GDF1: variants seen among roughly 807,000 people sequenced by gnomAD.
The protein encoded by GDF1 is embryonic growth/differentiation factor 1.
Under a neutral mutation model 7.4 loss-of-function variants are expected in GDF1, and 8 were observed. That is an observed-to-expected ratio of 1.09 (90% CI 0.64 to 1.96). The LOEUF (loss-of-function observed/expected upper bound fraction) is 1.96, where lower values mean the gene tolerates loss of function less well. Among genes scored for constraint, GDF1 ranks in the 30% most tolerant of loss-of-function variants. The pLI is 0.00. For synonymous variants in GDF1, 311 were observed against 276.7 expected (o/e 1.12, Z -1.23); for missense variants, 574 against 551.5 (o/e 1.04, Z -0.41).
intron 6 of GDF1, among the ~76,000 whole-genome samples, chr19:18,871,231 T>C (rs2055965106): frequency 6.6e-6 from 1 of 150,378 alleles, no homozygotes; most frequent in African/African-American, 2.4e-5. Flanking sequence ...CAATTTTTTT[T>C]TTTTTTTTTT....
intron 1 of GDF1, among the ~76,000 whole-genome samples, chr19:18,893,940 G>C (rs1419113014): frequency 6.6e-6 from 1 of 151,294 alleles, no homozygotes; most frequent in African/African-American, 2.4e-5. Flanking sequence ...AACATGGAGG[G>C]GGTTATATGG....
Position 18,868,608 on chromosome 19 carries a change from C to A in GDF1, c.1108G>T (p.Gly370Cys). 1 of 1,560,408 alleles carries A rather than the reference C, an allele frequency of 6.4e-7. No individual in the cohort carries two copies. Among genetic ancestry groups the A allele is most frequent in the Admixed American group, 1.9e-5 (1 of 52,786 alleles). The change falls in exon 8 of 8, where the codon GGC becomes TGC. Residue 370 changes from glycine to cysteine, a missense_variant. Transcript: ENST00000247005. Reference sequence around the variant, plus strand: ...CTGCCCGCCCCGGGTTAGCGGCAGCCGCACTCGTCCACCACCATGTCCTCA... The same window carrying A: ...CTGCCCGCCCCGGGTTAGCGGCAGCAGCACTCGTCCACCACCATGTCCTCA... ...QYEDMVVDECGCR is the reference protein window; with the variant it reads ...QYEDMVVDECCCR
At chr19:18,869,875 G>A in intron 7 of GDF1, 108 bp downstream of exon 7, 2 of 1,086,150 alleles carry the variant, frequency 1.8e-6, no homozygotes, top group South Asian at 1.3e-5. Context: ...CCTGGACAGG[G>A]CGGGTGGGGA....
rs2055948285 is a variant in GDF1 at position 18,870,477 on chromosome 19, GAGGAGC to G, written c.-176_-171del. ...CCCAGGGGAGGTGGCGGCGGCCCTA[GAGGAGC>G]AGAGTTGGAGGGGGTGGAGGGGCGG... On this transcript the variant is annotated 5_prime_UTR_variant, in exon 7 of 8. Coordinates refer to ENST00000247005, the MANE Select transcript of GDF1 (RefSeq NM_001492.6). The surrounding 1 kb of genome is among the most constrained non-coding windows in gnomAD (Gnocchi z 5.1). 1 of 659,068 alleles carries G rather than the reference GAGGAGC, an allele frequency of 1.5e-6. No individual in the cohort carries two copies. Among genetic ancestry groups the G allele is most frequent in the African/African-American group, 1.9e-5 (1 of 51,356 alleles). The allele number at this position is 659,068 out of a possible 1,614,324, so 40.8% of individuals were successfully genotyped here. A position where few individuals can be genotyped will look rare whatever the true frequency, so the allele number is the denominator to read the frequency against.
Position 18,896,055 on chromosome 19 carries a change from G to C in GDF1, c.-1305C>G, listed in dbSNP as rs1008352652. ...GCTCGGGCCCCGTCGGCCCCGCCGC[G>C]GGCCCCGCCGCCGCCATACCGCCCG... On this transcript the variant is annotated 5_prime_UTR_variant, in exon 1 of 8. Coordinates refer to ENST00000247005, the MANE Select transcript of GDF1 (RefSeq NM_001492.6). This position sits in a 1 kb window ranked among gnomAD's most constrained non-coding sequence, Gnocchi z 5.9. 3.5e-5 allele frequency: 34 copies of C among 983,258 alleles called. No individual in the cohort carries two copies. Among genetic ancestry groups the C allele is most frequent in the Middle Eastern group, 5.1e-4 (1 of 1,948 alleles). 60.9% of individuals were successfully genotyped at this position (983,258 alleles called of 1,614,324 possible).
intron 2 of GDF1, among the ~76,000 whole-genome samples, chr19:18,893,074 C>A (rs559413646): frequency 6.6e-6 from 1 of 151,870 alleles, no homozygotes; most frequent in Admixed American, 6.6e-5. Context: ...CCACCACACC[C>A]GGCTAATTTT....
chr19:18,882,262 A>AC (rs1335965809), intron 3 of GDF1, among the ~76,000 whole-genome samples: 2 of 152,228 alleles, frequency 1.3e-5, no homozygotes, highest in Non-Finnish European at 1.5e-5. Flanking sequence ...CATGGGAGCC[A>AC]CCAGCCACTT....
At chr19:18,887,427 AG>A (rs1396445706) in intron 2 of GDF1, among the ~76,000 whole-genome samples, 1 of 152,118 alleles carries the variant, frequency 6.6e-6, no homozygotes, top group Non-Finnish European at 1.5e-5. Flanking sequence ...ACCTAGACAG[AG>A]GGGGTGGTTG....
At chr19:18,881,012 G>A (rs543401620) in intron 3 of GDF1, among the ~76,000 whole-genome samples, 11 of 151,292 alleles carry the variant, frequency 7.3e-5, no homozygotes, top group Admixed American at 7.2e-4. Context: ...GAAGTTCCTT[G>A]CTGGCCCCTC....
Position 18,870,811 on chromosome 19 carries a change from G to A in GDF1, c.-312-192C>T, listed in dbSNP as rs1301747967. Among the ~76,000 whole-genome samples the A allele has an allele frequency of 6.7e-6, 1 of 150,176 alleles. No individual in the cohort carries two copies. Among genetic ancestry groups the A allele is most frequent in the Non-Finnish European group, 1.5e-5 (1 of 67,584 alleles). On this transcript the variant is annotated intron_variant, in intron 6 of 7. Coordinates refer to ENST00000247005, the MANE Select transcript of GDF1 (RefSeq NM_001492.6). This position sits in a 1 kb window ranked among gnomAD's most constrained non-coding sequence, Gnocchi z 5.1. Reference sequence around the variant, plus strand: ...CTTCACCCTGCCCCTCCTTCAACCTGCCCCGTAGGCACGTATGTCCCCCCT... The same window carrying A: ...CTTCACCCTGCCCCTCCTTCAACCTACCCCGTAGGCACGTATGTCCCCCCT...
In GDF1 at chr19:18,869,087, G is replaced by A. The variant is rs2055910416; in HGVS notation, c.629C>T (p.Pro210Leu). 9.4e-7 allele frequency: 1 copy of A among 1,064,556 alleles called. No individual in the cohort carries two copies. The highest frequency in any genetic ancestry group is 1.1e-6 in the Non-Finnish European group (1 of 881,122). The allele number at this position is 1,064,556 out of a possible 1,614,324, so 65.9% of individuals were successfully genotyped here. A position where few individuals can be genotyped will look rare whatever the true frequency, so the allele number is the denominator to read the frequency against. The stretch of plus-strand genomic sequence containing the variant: ...CGCCAGCGCCAGGCGGAGGCTGCGC[G>A]GCCATGAGGCGTTGCGAGCCCAAGC... ...GAAWARNASW[P>L]RSLRLALALR... is the part of the protein sequence containing the mutation. The change falls in exon 8 of 8, where the codon CCG becomes CTG. Residue 210 changes from proline (P) to leucine (L), a missense_variant. Transcript: ENST00000247005.
In GDF1 at chr19:18,868,804, G is replaced by C. The variant is rs551588378; in HGVS notation, c.912C>G (p.Val304=). Residue 304 remains valine, a synonymous_variant, in exon 8 of 8, where the codon GTC becomes GTG. Coordinates refer to ENST00000247005, the MANE Select transcript of GDF1 (RefSeq NM_001492.6). The stretch of plus-strand genomic sequence containing the variant: ...GCGGCCCCCCGGACCCCGACAGCGC[G>C]ACGGGCAGCGCGCACTGACCCTGGC... ...NYCQGQCALP[V]ALSGSGGPPA... is the part of the protein sequence containing the mutation. 993 of 1,455,994 alleles carry C rather than the reference G, an allele frequency of 6.8e-4. 38 individuals are homozygous for C. In the East Asian group the frequency reaches 0.031, roughly 46 times the overall value. The allele number at this position is 1,455,994 out of a possible 1,614,324, so 90.2% of individuals were successfully genotyped here.
intron 2 of GDF1, among the ~76,000 whole-genome samples, chr19:18,884,709 C>CTTTTTTT (rs36074874): frequency 3.0e-4 from 21 of 69,132 alleles, no homozygotes; most frequent in South Asian, 6.5e-4. Context: ...GCCCAGCCGT[C>CTTTTTTT]TTTTTTTTTT....
chr19:18,879,986 C>T (rs2056162156), intron 4 of GDF1, among the ~76,000 whole-genome samples: 4 of 151,790 alleles, frequency 2.6e-5, no homozygotes, highest in Admixed American at 2.0e-4. Context: ...CCTGGCCCAA[C>T]CTATCTCACC....
At position 18,884,270 on chromosome 19, in the gene GDF1, G is replaced by T. The variant is rs1362880318; in HGVS notation, c.-913-3C>A. On this transcript the variant is annotated splice_polypyrimidine_tract_variant and splice_region_variant and intron_variant, in intron 2 of 7. Coordinates refer to ENST00000247005, the MANE Select transcript of GDF1 (RefSeq NM_001492.6). Reference sequence around the variant, plus strand: ...CACTGCCATGCCCGGCGTCCAGTCTGGGGAGAGCCAAATCTCACAGTCAGG... The same window carrying T: ...CACTGCCATGCCCGGCGTCCAGTCTTGGGAGAGCCAAATCTCACAGTCAGG... 1 of 1,608,828 alleles carries T rather than the reference G, an allele frequency of 6.2e-7. No homozygotes were observed. The highest frequency in any genetic ancestry group is 1.3e-5 in the African/African-American group (1 of 74,814).
Position 18,870,019 on chromosome 19 carries a change from C to T in GDF1, c.289G>A (p.Val97Ile). ...ATGTGGCGCACGATGTTTCCGGCGA[C>T]CCCCAGCTCCTCCACGTGGCACGGT... ...LQPCHVEELGVAGNIVRHIPD... is the reference protein window; with the variant it reads ...LQPCHVEELGIAGNIVRHIPD... Residue 97 changes from valine (V) to isoleucine (I), a missense_variant, in exon 7 of 8, where the codon GTC (valine) becomes ATC (isoleucine). By Grantham distance (29) the Val-to-Ile change is conservative. Coordinates refer to ENST00000247005, the MANE Select transcript of GDF1 (RefSeq NM_001492.6). This position sits in a 1 kb window ranked among gnomAD's most constrained non-coding sequence, Gnocchi z 5.1. 6.3e-7 allele frequency: 1 copy of T among 1,597,032 alleles called. No homozygotes were observed. The highest frequency in any genetic ancestry group is 8.5e-7 in the Non-Finnish European group (1 of 1,173,876).
At position 18,871,077 on chromosome 19, in the gene GDF1, CATGTTCTTTT is replaced by C. The variant is rs1034163152; in HGVS notation, c.-312-468_-312-459del. 9.9e-5 allele frequency among the ~76,000 whole-genome samples: 15 copies of C among 152,130 alleles called. No homozygotes were observed. In the South Asian group the frequency reaches 2.3e-3, roughly 23 times the overall value. On this transcript the variant is annotated intron_variant, in intron 6 of 7. Transcript: ENST00000247005. ...CTGCTGTCTCCACCTACTTCCCTTC[CATGTTCTTTT>C]ATTTTCCTTTTTTTTTTTTGGTCTT...
intron 4 of GDF1, among the ~76,000 whole-genome samples, chr19:18,879,795 T>G (rs993463268): frequency 7.8e-6 from 1 of 128,212 alleles, no homozygotes; most frequent in African/African-American, 2.9e-5. Context: ...TCCCCTTCTC[T>G]GCCAGGCCCC....
chr19:18,894,885 C>A (rs2056588162), intron 1 of GDF1, among the ~76,000 whole-genome samples: 1 of 152,198 alleles, frequency 6.6e-6, no homozygotes, highest in African/African-American at 2.4e-5. Flanking sequence ...CACCCTCCAG[C>A]CAGACGGGCG....
Sources: gnomAD v4.1 joint callset for allele counts (sites outside exome capture counted in the v4.1 genomes callset) on GRCh38, gnomAD v4.1.1 for gene constraint, Gnocchi (gnomAD v3.1) non-coding constraint, MANE v1.5 for transcripts, NCBI Gene and HGNC (gene_info 2026-07-23, HGNC 2026-07-21) for gene names.